Variants in CSMD2 observed in about 807,000 individuals in gnomAD.
CSMD2 encodes CUB and sushi domain-containing protein 2.
CSMD2 carries 130 observed loss-of-function variants against 398.5 expected under a neutral mutation model. The ratio of observed to expected loss-of-function variants is 0.33; its 90% confidence interval spans 0.28 to 0.38. CSMD2 has a LOEUF of 0.38. Ranked by LOEUF, CSMD2 falls within the 10% of genes least tolerant of loss-of-function variation. The pLI is 1.00. For missense variants in CSMD2, 3,829 were observed against 4,764.9 expected (o/e 0.80, Z 5.78); for synonymous variants, 1,828 against 1,908.5 (o/e 0.96, Z 1.10).
At chr1:33,849,837 T>G (rs1367498441) in intron 5 of CSMD2, among the ~76,000 whole-genome samples, 2 of 152,116 alleles carry the variant, frequency 1.3e-5, no homozygotes, top group African/African-American at 4.8e-5. Flanking sequence ...AAATGGTAAT[T>G]TTATTTTATG....
intron 10 of CSMD2, among the ~76,000 whole-genome samples, chr1:33,796,807 T>C (rs981990854): frequency 6.6e-6 from 1 of 152,206 alleles, no homozygotes; most frequent in African/African-American, 2.4e-5. Context: ...AAGATATTGC[T>C]AAATTCTTTT....
intron 70 of CSMD2, among the ~76,000 whole-genome samples, chr1:33,517,011 T>C (rs1221036067): frequency 2.6e-5 from 4 of 151,984 alleles, no homozygotes; most frequent in African/African-American, 7.2e-5. Context: ...TTTTTGATAC[T>C]TTTTTTTAAT....
chr1:34,077,306 A>C lies in CSMD2; in HGVS notation c.404+11671T>G, dbSNP rs564374859. ...CCCCGTCTCTACTAAAAATACAAAA[A>C]ATTAGCCGGGCGCGGTGGCGGGCGC... On this transcript the variant is annotated intron_variant, in intron 2 of 70. Transcript: ENST00000373381. 4.0e-5 allele frequency among the ~76,000 whole-genome samples: 6 copies of C among 150,668 alleles called. No homozygotes were observed. The East Asian group carries it at 1.2e-3, about 30-fold the overall frequency.
chr1:33,594,720 G>T (rs748434067), intron 44 of CSMD2, among the ~76,000 whole-genome samples: 2 of 152,000 alleles, frequency 1.3e-5, no homozygotes, highest in Non-Finnish European at 2.9e-5. Context: ...AGATTTTCAG[G>T]TTTGTCCTCC....
At chr1:33,742,000 G>A (rs549636305) in intron 14 of CSMD2, among the ~76,000 whole-genome samples, 68 of 152,336 alleles carry the variant, frequency 4.5e-4, no homozygotes, top group African/African-American at 1.6e-3. Flanking sequence ...GGCCCTGTGC[G>A]GGGCCAAGGG....
At chr1:34,052,772 T>C (rs1485180731) in intron 2 of CSMD2, among the ~76,000 whole-genome samples, 1 of 152,154 alleles carries the variant, frequency 6.6e-6, no homozygotes, top group East Asian at 1.9e-4. Flanking sequence ...TCAGTAAATA[T>C]ACACGAGATT....
At chr1:33,977,658 C>G (rs1234639113) in intron 3 of CSMD2, among the ~76,000 whole-genome samples, 1 of 151,882 alleles carries the variant, frequency 6.6e-6, no homozygotes, top group Non-Finnish European at 1.5e-5. Context: ...TGTGCTCTTG[C>G]CAGCTCCTGC....
intron 22 of CSMD2, among the ~76,000 whole-genome samples, chr1:33,707,695 G>GCACACACACACACACACACA (rs200504764): frequency 1.1e-5 from 1 of 92,032 alleles, no homozygotes; most frequent in Non-Finnish European, 2.1e-5. Context: ...GCGCGCGCGC[G>GCACACACACACACACACACA]CACACACACA....
At position 33,636,391 on chromosome 1, in the gene CSMD2, G is replaced by A. The variant is rs199519278; in HGVS notation, c.4938C>T (p.Pro1646=). 1.1e-5 allele frequency: 18 copies of A among 1,612,888 alleles called. No homozygotes were observed. The Admixed American group carries it at 1.2e-4, about 10-fold the overall frequency. ...LSCILGPDGK[P]VWNNPRPVCT... ...AGACTGGCCGGGGATTGTTCCACAC[G>A]GGCTTCCCATCAGGCCCCAGGATGC... The change falls in exon 30 of 71, where the codon CCC becomes CCT. Residue 1646 remains proline, a synonymous_variant. Transcript: ENST00000373381. This position sits in a 1 kb window ranked among gnomAD's most constrained non-coding sequence, Gnocchi z 4.8.
At chr1:33,908,545 G>A (rs1015287085) in intron 5 of CSMD2, among the ~76,000 whole-genome samples, 1 of 152,376 alleles carries the variant, frequency 6.6e-6, no homozygotes, top group East Asian at 1.9e-4. Context: ...TGGGGGGCAG[G>A]CCAGCTGCCC....
At chr1:33,814,891 A>G (rs928750290) in intron 9 of CSMD2, among the ~76,000 whole-genome samples, 3 of 151,964 alleles carry the variant, frequency 2.0e-5, no homozygotes, top group Non-Finnish European at 4.4e-5. Flanking sequence ...ATTTCATCCC[A>G]TCTATTGATC....
chr1:33,707,455 G>T (rs997119371), intron 22 of CSMD2, among the ~76,000 whole-genome samples: 1 of 152,272 alleles, frequency 6.6e-6, no homozygotes, highest in South Asian at 2.1e-4. Context: ...GATGCCTAAA[G>T]ACATGGTTAT....
chr1:33,565,818 G>A (rs769986090), intron 53 of CSMD2, among the ~76,000 whole-genome samples: 19 of 151,944 alleles, frequency 1.3e-4, no homozygotes, highest in Non-Finnish European at 2.4e-4. Flanking sequence ...AAACTAAACA[G>A]CACAAATGGA....
intron 2 of CSMD2, among the ~76,000 whole-genome samples, chr1:34,088,173 G>A (rs916216423): frequency 6.6e-6 from 1 of 152,252 alleles, no homozygotes; most frequent in Non-Finnish European, 1.5e-5. Flanking sequence ...AGTGCATCAT[G>A]TCATTAGAAG....
chr1:33,724,156 C>G (rs201354671), intron 19 of CSMD2, 41 bp downstream of exon 19: 4 of 1,457,362 alleles, frequency 2.7e-6, no homozygotes, highest in Admixed American at 1.7e-5. Flanking sequence ...GGTCCCTGAC[C>G]TCGTCACATC....
At chr1:33,517,041 A>T (rs1250663889) in intron 70 of CSMD2, among the ~76,000 whole-genome samples, 3 of 152,138 alleles carry the variant, frequency 2.0e-5, no homozygotes, top group Non-Finnish European at 4.4e-5. Context: ...GTTGGCAAAC[A>T]TCATCACACA....
intron 12 of CSMD2, among the ~76,000 whole-genome samples, chr1:33,785,599 C>T (rs1388155963): frequency 6.6e-6 from 1 of 152,196 alleles, no homozygotes; most frequent in African/African-American, 2.4e-5. Flanking sequence ...GCTATGAATC[C>T]TCTCTTAAAA....
chr1:33,906,862 G>A (rs1337779017), intron 5 of CSMD2, among the ~76,000 whole-genome samples: 1 of 152,026 alleles, frequency 6.6e-6, no homozygotes, highest in East Asian at 1.9e-4. Flanking sequence ...GGAGTGAGCA[G>A]AGCAGTACAG....
At chr1:34,091,482 A>T (rs193259668) in intron 1 of CSMD2, among the ~76,000 whole-genome samples, 1 of 152,304 alleles carries the variant, frequency 6.6e-6, no homozygotes, top group East Asian at 1.9e-4. Flanking sequence ...TGGGATTCAA[A>T]CATAAGTATT....
Sources: gnomAD v4.1 joint callset for allele counts (sites outside exome capture counted in the v4.1 genomes callset) on GRCh38, gnomAD v4.1.1 for gene constraint, Gnocchi (gnomAD v3.1) non-coding constraint, MANE v1.5 for transcripts, NCBI Gene and HGNC (gene_info 2026-07-23, HGNC 2026-07-21) for gene names.